ATP8A2: variants seen among roughly 807,000 people sequenced by gnomAD.
The protein encoded by ATP8A2 is ATPase phospholipid transporting 8A2, also known as phospholipid-transporting ATPase IB.
In ATP8A2, 100 loss-of-function variants were observed where a neutral mutation model predicts 165.6. That is an observed-to-expected ratio of 0.60 (90% confidence interval 0.51 to 0.71). ATP8A2 has a LOEUF of 0.71. Ranked by LOEUF, ATP8A2 falls within the 30% of genes least tolerant of loss-of-function variation. The probability of loss-of-function intolerance (pLI) is 0.00; values close to 1 mark genes in which losing one functional copy is unlikely to be tolerated. For synonymous variants in ATP8A2, 543 were observed against 548.8 expected, an observed-to-expected ratio of 0.99 and a Z score of 0.15; for missense variants, 1,227 against 1,479.5, an observed-to-expected ratio of 0.83 and a Z score of 2.80.
chr13:25,870,214 G>A (rs1472092096), intron 33 of ATP8A2, among the ~76,000 whole-genome samples: 3 of 152,152 alleles, frequency 2.0e-5, no homozygotes, highest in Non-Finnish European at 4.4e-5. Context: ...TGGCTTTCCA[G>A]TGTTCCTCTG....
intron 1 of ATP8A2, among the ~76,000 whole-genome samples, chr13:25,436,386 T>C (rs2034776846): frequency 6.6e-6 from 1 of 152,190 alleles, no homozygotes. Flanking sequence ...TCCTGGTTAA[T>C]TCACTTCAGA....
intron 2 of ATP8A2, among the ~76,000 whole-genome samples, chr13:25,514,940 G>A (rs1336330760): frequency 5.3e-5 from 8 of 152,154 alleles, no homozygotes; most frequent in Non-Finnish European, 1.0e-4. Flanking sequence ...GGGCTATGGG[G>A]TGCCCAGGCA....
chr13:25,588,067 A>G (rs188060800), intron 23 of ATP8A2, among the ~76,000 whole-genome samples: 1 of 152,154 alleles, frequency 6.6e-6, no homozygotes, highest in Non-Finnish European at 1.5e-5. Flanking sequence ...GTTTGTTTTA[A>G]CAAGAGAAAT....
rs780077883 is a variant in ATP8A2, at chr13:25,774,940, T to C, written c.2660T>C (p.Val887Ala). ...ATCTTGTACTGCTTCTATAAGAACG[T>C]GGTCCTGTATATTATTGAGGTAAGA... ...KCILYCFYKNVVLYIIELWFA... is the reference protein window; with the variant it reads ...KCILYCFYKNAVLYIIELWFA... Residue 887 changes from valine (V) to alanine (A), a missense_variant, in exon 27 of 37, where the codon GTG becomes GCG. Val to Ala is a moderately conservative substitution (Grantham distance 64, BLOSUM62 0). Coordinates refer to ENST00000381655, the MANE Select transcript of ATP8A2 (RefSeq NM_016529.6). The C allele has an allele frequency of 6.2e-7, 1 of 1,608,032 alleles. No homozygotes were observed. Among genetic ancestry groups the C allele is most frequent in the Non-Finnish European group, 8.5e-7 (1 of 1,174,694 alleles).
At chr13:25,979,273 T>A (rs1337555158) in intron 35 of ATP8A2, among the ~76,000 whole-genome samples, 1 of 152,152 alleles carries the variant, frequency 6.6e-6, no homozygotes, top group Non-Finnish European at 1.5e-5. Flanking sequence ...GCAATAGATT[T>A]ATTGGATTTT....
intron 24 of ATP8A2, among the ~76,000 whole-genome samples, chr13:25,643,009 A>G (rs1281020450): frequency 6.6e-6 from 1 of 152,204 alleles, no homozygotes; most frequent in Non-Finnish European, 1.5e-5. Context: ...TGGGAATTGA[A>G]CAATGAGAAC....
At chr13:25,887,789 T>C (rs1953206918) in intron 33 of ATP8A2, among the ~76,000 whole-genome samples, 1 of 152,230 alleles carries the variant, frequency 6.6e-6, no homozygotes, top group South Asian at 2.1e-4. Flanking sequence ...CACTTCTTAT[T>C]AAGTTTTGAT....
In ATP8A2 at chr13:25,730,397, T is replaced by A. The variant is rs759217669; in HGVS notation, c.2384+31052T>A. Among the ~76,000 whole-genome samples the A allele has an allele frequency of 3.3e-5, 5 of 152,328 alleles. 1 individual carries two copies. The South Asian group carries it at 8.3e-4, about 25-fold the overall frequency. On this transcript the variant is annotated intron_variant, in intron 25 of 36. Coordinates refer to ENST00000381655, the MANE Select transcript of ATP8A2 (RefSeq NM_016529.6). ...TGTTTTGAAGAACAAAAGGGAATCA[T>A]GGCTTGGCAGTTTCAGCTATGTGTG...
intron 33 of ATP8A2, chr13:25,944,598 A>G (rs1396420388): frequency 6.6e-6 from 1 of 152,246 alleles, no homozygotes. Flanking sequence ...TTTGGCATCA[A>G]TATGGTGACC....
intron 25 of ATP8A2, among the ~76,000 whole-genome samples, chr13:25,754,309 G>A (rs2044215524): frequency 6.6e-6 from 1 of 152,180 alleles, no homozygotes; most frequent in South Asian, 2.1e-4. Context: ...ATGCCACTAT[G>A]CCGGCTGCCC....
intron 24 of ATP8A2, among the ~76,000 whole-genome samples, chr13:25,598,446 T>G (rs1435866143): frequency 6.6e-6 from 1 of 152,220 alleles, no homozygotes; most frequent in East Asian, 1.9e-4. Flanking sequence ...TAATGCAATT[T>G]GACACTTTAA....
At chr13:25,437,203 T>C (rs1160710836) in intron 1 of ATP8A2, among the ~76,000 whole-genome samples, 1 of 152,212 alleles carries the variant, frequency 6.6e-6, no homozygotes, top group Non-Finnish European at 1.5e-5. Context: ...TGGCTGCTTA[T>C]ATGTCTTCTT....
At chr13:25,495,533 C>A (rs2036649093) in intron 2 of ATP8A2, among the ~76,000 whole-genome samples, 1 of 151,566 alleles carries the variant, frequency 6.6e-6, no homozygotes, top group Non-Finnish European at 1.5e-5. Context: ...GATCGTAGCT[C>A]ATTGCAGGCT....
intron 16 of ATP8A2, chr13:25,567,163 G>A (rs2039338789): frequency 1.8e-5 from 6 of 338,346 alleles, no homozygotes; most frequent in South Asian, 1.4e-4. Flanking sequence ...ACTCTCACAG[G>A]TGTTCTTTCC....
rs1955185019 is a variant in ATP8A2 at position 25,945,395 on chromosome 13, G to T, written c.3184-16180G>T. Among the ~76,000 whole-genome samples the T allele has an allele frequency of 1.3e-5, 2 of 152,168 alleles. 1 individual carries two copies. The highest frequency in any genetic ancestry group is 1.3e-4 in the Admixed American group (2 of 15,284). On this transcript the variant is annotated intron_variant, in intron 33 of 36. Transcript: ENST00000381655. ...GCAGAAGGAAGGCACGTTAATGGTGGATGTAACGTTATTCATTTCATGAAA... is the reference window on the plus strand; with the variant it reads ...GCAGAAGGAAGGCACGTTAATGGTGTATGTAACGTTATTCATTTCATGAAA...
chr13:25,815,939 AAATAT>A (rs1951007105), intron 27 of ATP8A2, among the ~76,000 whole-genome samples: 1 of 152,244 alleles, frequency 6.6e-6, no homozygotes, highest in African/African-American at 2.4e-5. Context: ...AGACAAGGAC[AAATAT>A]TGCATGATTT....
chr13:25,637,620 T>C (rs1314304906), intron 24 of ATP8A2, among the ~76,000 whole-genome samples: 2 of 152,108 alleles, frequency 1.3e-5, no homozygotes, highest in Non-Finnish European at 2.9e-5. Context: ...AAGCTCAAAC[T>C]GTGTGGAGCC....
At chr13:25,998,724 A>C (rs1376045385) in intron 35 of ATP8A2, among the ~76,000 whole-genome samples, 3 of 152,146 alleles carry the variant, frequency 2.0e-5, no homozygotes, top group Non-Finnish European at 2.9e-5. Flanking sequence ...GGACTGGAGG[A>C]ATCTGTTGTT....
At chr13:25,638,947 A>G (rs2041442358) in intron 24 of ATP8A2, among the ~76,000 whole-genome samples, 1 of 152,222 alleles carries the variant, frequency 6.6e-6, no homozygotes, top group African/African-American at 2.4e-5. Context: ...GTGGGGGCCA[A>G]TATTCAACAT....
Sources: gnomAD v4.1 joint callset for allele counts (sites outside exome capture counted in the v4.1 genomes callset) on GRCh38, gnomAD v4.1.1 for gene constraint, MANE v1.5 for transcripts, NCBI Gene and HGNC (gene_info 2026-07-23, HGNC 2026-07-21) for gene names.